Variants in PTCHD1 observed in about 807,000 individuals in gnomAD.
The protein encoded by PTCHD1 is patched domain containing 1.
A neutral mutation model predicts 34.6 loss-of-function variants in PTCHD1; 3 were observed. That is an observed-to-expected ratio of 0.09 (90% confidence interval 0.04 to 0.22). The LOEUF is 0.22. PTCHD1 is among the 10% of genes least tolerant of loss of function. PTCHD1 has a pLI of 1.00. For synonymous variants in PTCHD1, 305 were observed against 283.1 expected, an observed-to-expected ratio of 1.08 and a Z score of -0.77; for missense variants, 504 against 685.5, an observed-to-expected ratio of 0.74 and a Z score of 2.96.
intron 1 of PTCHD1, among the ~76,000 whole-genome samples, chrX:23,366,923 C>T (rs1473937235): frequency 3.2e-5 from 1 of 31,181 alleles, no homozygotes; most frequent in Non-Finnish European, 7.0e-5. Context: ...GCTCCTGGTA[C>T]ACACACACAC....
intron 1 of PTCHD1, among the ~76,000 whole-genome samples, chrX:23,361,016 G>T (rs1921966777): frequency 1.8e-5 from 2 of 112,301 alleles, no homozygotes; most frequent in South Asian, 7.4e-4. Flanking sequence ...CTGAGAGACA[G>T]TTGGTTGTGA....
chrX:23,379,707 C>T lies in PTCHD1; in HGVS notation c.468C>T (p.Val156=). The part of the protein sequence containing the change: ...KTCIVDDIVH[V]LEELKNARAT... ...GCATCGTGGATGACATAGTGCACGT[C>T]CTGGAAGAGCTAAAGAATGCTCGGG... Residue 156 remains valine (V), a synonymous_variant, in exon 2 of 3, where the codon GTC becomes GTT. Coordinates refer to ENST00000379361, the MANE Select transcript of PTCHD1 (RefSeq NM_173495.3). 3 of 1,211,127 alleles carry T rather than the reference C, an allele frequency of 2.5e-6. No individual in the cohort carries two copies. Among genetic ancestry groups the T allele is most frequent in the Non-Finnish European group, 3.4e-6 (3 of 895,334 alleles).
intron 1 of PTCHD1, among the ~76,000 whole-genome samples, chrX:23,378,177 G>A (rs771779134): frequency 4.5e-5 from 5 of 111,981 alleles, no homozygotes; most frequent in Non-Finnish European, 7.5e-5. Context: ...TAAGCTACTG[G>A]TGAGTCAAAA....
At chrX:23,357,973 T>C (rs1921854748) in intron 1 of PTCHD1, among the ~76,000 whole-genome samples, 1 of 111,769 alleles carries the variant, frequency 8.9e-6, no homozygotes, top group South Asian at 3.8e-4. Context: ...TCCATGTCCC[T>C]ACAAAGGACA....
intron 1 of PTCHD1, among the ~76,000 whole-genome samples, chrX:23,373,929 A>G (rs1922335477): frequency 8.9e-6 from 1 of 112,151 alleles, no homozygotes; most frequent in Non-Finnish European, 1.9e-5. Context: ...TTGGAAGGTA[A>G]TATTTGGGGA....
intron 1 of PTCHD1, among the ~76,000 whole-genome samples, chrX:23,348,656 A>C (rs1434863155): frequency 9.0e-6 from 1 of 111,707 alleles, no homozygotes; most frequent in African/African-American, 3.3e-5. Flanking sequence ...TAAAGGGTTA[A>C]AATGAAAAAA....
intron 1 of PTCHD1, among the ~76,000 whole-genome samples, chrX:23,341,563 G>T (rs1921311460): frequency 8.9e-6 from 1 of 111,968 alleles, no homozygotes; most frequent in Non-Finnish European, 1.9e-5. Context: ...CTGCTTGATA[G>T]CACATCACAG....
intron 1 of PTCHD1, among the ~76,000 whole-genome samples, chrX:23,342,290 ATATATATATATATATATATATTTTTTT>A (rs1569132036): frequency 3.3e-4 from 2 of 5,992 alleles, no homozygotes; most frequent in African/African-American, 3.3e-3. Context: ...ATATATATAT[ATATATATATATATATATATATTTTTTT>A]TTTTTTTTTT....
intron 1 of PTCHD1, among the ~76,000 whole-genome samples, chrX:23,374,226 A>C (rs1273926860): frequency 2.2e-5 from 2 of 90,673 alleles, no homozygotes; most frequent in Non-Finnish European, 4.2e-5. Flanking sequence ...ATTGCCCTGC[A>C]TGGGCAGAGT....
intron 2 of PTCHD1, among the ~76,000 whole-genome samples, chrX:23,386,327 A>G (rs1398831123): frequency 2.7e-5 from 3 of 111,660 alleles, no homozygotes; most frequent in African/African-American, 6.5e-5. Context: ...CTAAAACCCA[A>G]TGCTCTGGTT....
chrX:23,341,955 AGAT>A (rs1458357196), intron 1 of PTCHD1, among the ~76,000 whole-genome samples: 1 of 111,172 alleles, frequency 9.0e-6, no homozygotes, highest in Non-Finnish European at 1.9e-5. Flanking sequence ...AGTACAGTTA[AGAT>A]GATTTATGTA....
intron 1 of PTCHD1, among the ~76,000 whole-genome samples, chrX:23,342,310 A>AT (rs1174366015): frequency 0.011 from 144 of 12,912 alleles, 3 homozygotes; most frequent in Non-Finnish European, 0.012. Flanking sequence ...ATATATATAT[A>AT]TTTTTTTTTT....
chrX:23,347,872 T>C (rs747355171), intron 1 of PTCHD1, among the ~76,000 whole-genome samples: 1 of 111,318 alleles, frequency 9.0e-6, no homozygotes, highest in African/African-American at 3.3e-5. Flanking sequence ...TAACAGGGCA[T>C]GGTGGTACAT....
At chrX:23,358,688 T>G (rs1308730790) in intron 1 of PTCHD1, among the ~76,000 whole-genome samples, 1 of 112,332 alleles carries the variant, frequency 8.9e-6, no homozygotes, top group Non-Finnish European at 1.9e-5. Context: ...TTTGTTGCCA[T>G]TGCTTTTGGT....
intron 1 of PTCHD1, among the ~76,000 whole-genome samples, chrX:23,371,350 G>A (rs1922273406): frequency 8.9e-6 from 1 of 111,795 alleles, no homozygotes; most frequent in Admixed American, 9.5e-5. Context: ...CATGAGGCAG[G>A]GAAGAAAAGC....
Position 23,401,086 on chromosome X carries a change from A to G in PTCHD1, c.*6901A>G, listed in dbSNP as rs1179828938. On this transcript the variant is annotated 3_prime_UTR_variant, in exon 3 of 3. Transcript: ENST00000379361. ...AGTAGAGATGGGGTTTCACCGTGTT[A>G]CCCATGATAGTCTCGATCTCCTAAC... 9.1e-6 allele frequency: 1 copy of G among 110,086 alleles called. No individual in the cohort carries two copies. Among genetic ancestry groups the G allele is most frequent in the Non-Finnish European group, 1.9e-5 (1 of 52,677 alleles). 9.1% of individuals were successfully genotyped at this position (110,086 alleles called of 1,213,427 possible). A position where few individuals can be genotyped will look rare whatever the true frequency, so the allele number is the denominator to read the frequency against.
At position 23,398,887 on chromosome X, in the gene PTCHD1, A is replaced by C. The variant is rs1923056822; in HGVS notation, c.*4702A>C. The C allele has an allele frequency of 9.0e-6, 1 of 111,485 alleles. No individual in the cohort carries two copies. The highest frequency in any genetic ancestry group is 3.3e-5 in the African/African-American group (1 of 30,601). 9.2% of individuals were successfully genotyped at this position (111,485 alleles called of 1,213,427 possible). On this transcript the variant is annotated 3_prime_UTR_variant, in exon 3 of 3. Transcript: ENST00000379361. ...TGATTTGTTTGAAGTCCTCTTTGAT[A>C]TCTATGAGAGCACCGTGGAAGGAAG... is the stretch of plus-strand genomic sequence containing the variant.
Position 23,394,189 on chromosome X carries a change from T to C in PTCHD1, c.*4T>C. ...TGACCAAATTACAACAGTGTGATAA[T>C]GTCTGCTTGGCATATTTTCACCTTA... On this transcript the variant is annotated 3_prime_UTR_variant, in exon 3 of 3. Coordinates refer to ENST00000379361, the MANE Select transcript of PTCHD1 (RefSeq NM_173495.3). 1 of 1,162,076 alleles carries C rather than the reference T, an allele frequency of 8.6e-7. No individual in the cohort carries two copies.
At chrX:23,357,692 G>C (rs1306524495) in intron 1 of PTCHD1, among the ~76,000 whole-genome samples, 5 of 110,905 alleles carry the variant, frequency 4.5e-5, no homozygotes, top group African/African-American at 1.3e-4. Context: ...TAAGTTCTAG[G>C]GTACATATGC....
Sources: allele counts gnomAD v4.1 joint callset (sites outside exome capture counted in the v4.1 genomes callset), GRCh38; gene constraint gnomAD v4.1.1; transcripts MANE v1.5; gene names NCBI Gene and HGNC (gene_info 2026-07-23, HGNC 2026-07-21).